Variants in MFN1 observed in about 807,000 individuals in gnomAD.
MFN1 encodes mitofusin-1.
MFN1 carries 65 observed loss-of-function variants against 92.4 expected under a neutral mutation model. The ratio of observed to expected loss-of-function variants is 0.70; its 90% CI spans 0.58 to 0.86. The LOEUF (loss-of-function observed/expected upper bound fraction) is 0.86, where lower values mean the gene tolerates loss of function less well. Ranked by LOEUF, MFN1 falls within the 40% of genes least tolerant of loss-of-function variation. The probability of loss-of-function intolerance (pLI) is 0.00; values close to 1 mark genes in which losing one functional copy is unlikely to be tolerated. For synonymous variants in MFN1, 297 were observed against 300.9 expected, an observed-to-expected ratio of 0.99 and a Z score of 0.13; for missense variants, 781 against 868.0, an observed-to-expected ratio of 0.90 and a Z score of 1.26.
chr3:179,351,232 C>T (rs1712134539), intron 2 of MFN1, among the ~76,000 whole-genome samples: 1 of 152,174 alleles, frequency 6.6e-6, no homozygotes, highest in East Asian at 1.9e-4. Flanking sequence ...TTTCAACTAC[C>T]TCCAGCCATG....
At chr3:179,359,427 T>TC (rs1288016553) in intron 4 of MFN1, among the ~76,000 whole-genome samples, 2 of 145,162 alleles carry the variant, frequency 1.4e-5, no homozygotes, top group East Asian at 4.2e-4. Context: ...GCCTTTTTTT[T>TC]TTTTTTTTTT....
chr3:179,388,254 G>A (rs1459733236), intron 16 of MFN1, among the ~76,000 whole-genome samples: 1 of 152,184 alleles, frequency 6.6e-6, no homozygotes, highest in East Asian at 1.9e-4. Context: ...AGCAGTCTAA[G>A]AAAGCTGAAT....
In MFN1 at chr3:179,394,532, C is replaced by T. The variant is rs1459704022; in HGVS notation, c.*2473C>T. On this transcript the variant is annotated 3_prime_UTR_variant, in exon 18 of 18. Coordinates refer to ENST00000471841, the MANE Select transcript of MFN1 (RefSeq NM_033540.3). ...CCGGGTTCACGCCATTCTCCTGCCT[C>T]AGCCTCCCGAGTAGCTGGGACTACA... is the stretch of plus-strand genomic sequence containing the variant. 2 of 149,948 alleles carry T rather than the reference C, an allele frequency of 1.3e-5. No homozygotes were observed. Among genetic ancestry groups the T allele is most frequent in the African/African-American group, 4.9e-5 (2 of 40,694 alleles). 9.3% of individuals were successfully genotyped at this position (149,948 alleles called of 1,614,324 possible). A position where few individuals can be genotyped will look rare whatever the true frequency, so the allele number is the denominator to read the frequency against.
At chr3:179,387,693 A>C (rs367920826) in intron 16 of MFN1, among the ~76,000 whole-genome samples, 22 of 142,794 alleles carry the variant, frequency 1.5e-4, no homozygotes, top group African/African-American at 5.4e-4. Flanking sequence ...TTCCTCATTC[A>C]AGTGAGTAGC....
chr3:179,374,991 CTG>C (rs1359027449), intron 9 of MFN1, among the ~76,000 whole-genome samples: 1 of 152,130 alleles, frequency 6.6e-6, no homozygotes, highest in African/African-American at 2.4e-5. Flanking sequence ...TTGCACATTA[CTG>C]TGTAAAAATA....
chr3:179,386,609 C>T lies in MFN1; in HGVS notation c.1992C>T (p.Asn664=), dbSNP rs760566972. 1 of 1,609,844 alleles carries T rather than the reference C, an allele frequency of 6.2e-7. No individual in the cohort carries two copies. Among genetic ancestry groups the T allele is most frequent in the South Asian group, 1.1e-5 (1 of 90,472 alleles). The change falls in exon 16 of 18, where the codon AAC becomes AAT. Residue 664 remains asparagine (N), a synonymous_variant. Coordinates refer to ENST00000471841, the MANE Select transcript of MFN1 (RefSeq NM_033540.3). ...LRMIVSSTSA[N]CSHQVKQQIA... ...TGATTGTTAGCTCCACGAGTGCAAA[C>T]TGCAGTCACCAAGTAAAACAGTAAG...
chr3:179,354,530 G>C (rs1425544009), intron 3 of MFN1, among the ~76,000 whole-genome samples: 1 of 152,090 alleles, frequency 6.6e-6, no homozygotes, highest in Non-Finnish European at 1.5e-5. Context: ...ACCAGAAAGG[G>C]GCCCCACTCC....
chr3:179,386,101 GTTTC>G (rs1713675763), intron 15 of MFN1, among the ~76,000 whole-genome samples: 1 of 152,078 alleles, frequency 6.6e-6, no homozygotes, highest in South Asian at 2.1e-4. Context: ...GTTCTTATTT[GTTTC>G]TTTAAAAAAT....
intron 14 of MFN1, among the ~76,000 whole-genome samples, chr3:179,384,477 T>A (rs554862074): frequency 0.026 from 3,897 of 152,312 alleles, 185 homozygotes; most frequent in African/African-American, 0.089. Context: ...TCAAAGCTTT[T>A]ACCTATTTTT....
At chr3:179,367,627 A>G in intron 8 of MFN1, 35 bp downstream of exon 8, 2 of 1,530,338 alleles carry the variant, frequency 1.3e-6, no homozygotes, top group African/African-American at 2.9e-5. Context: ...GTTTAAATAT[A>G]AAAATATTTA....
chr3:179,376,781 C>T (rs1183776897), intron 10 of MFN1: 1 of 262,268 alleles, frequency 3.8e-6, no homozygotes, highest in Non-Finnish European at 7.2e-6. Context: ...TTTGCCTGTT[C>T]ATATCTATGA....
chr3:179,360,345 G>C (rs558308939), intron 4 of MFN1, among the ~76,000 whole-genome samples: 1 of 152,084 alleles, frequency 6.6e-6, no homozygotes, highest in African/African-American at 2.4e-5. Flanking sequence ...CCTGGCCTCC[G>C]ATTTGTCTTT....
intron 8 of MFN1, 136 bp downstream of exon 8, chr3:179,367,728 GC>G: frequency 1.6e-6 from 1 of 636,394 alleles, no homozygotes. Context: ...TTTGAGACCA[GC>G]CTGGCCAACA....
rs1376269603 is a variant in MFN1 at position 179,377,340 on chromosome 3, T to C, written c.1225-4T>C. The C allele has an allele frequency of 1.3e-6, 2 of 1,584,352 alleles. No homozygotes were observed. On this transcript the variant is annotated splice_region_variant and splice_polypyrimidine_tract_variant and intron_variant, in intron 11 of 17. Transcript: ENST00000471841. Reference sequence around the variant, plus strand: ...TTTTAACTCCAAAATTTTCATATTTTCAGGTTTCATGTGCAATGACAGATG... The same window carrying C: ...TTTTAACTCCAAAATTTTCATATTTCCAGGTTTCATGTGCAATGACAGATG...
chr3:179,362,293 G>C, intron 4 of MFN1, 65 bp from the exon 5 acceptor site: 1 of 1,449,674 alleles, frequency 6.9e-7, no homozygotes, highest in Non-Finnish European at 9.2e-7. Context: ...GTACCACAAT[G>C]TTTTTAATTT....
intron 5 of MFN1, among the ~76,000 whole-genome samples, chr3:179,363,372 T>A (rs1712657926): frequency 6.6e-6 from 1 of 152,180 alleles, no homozygotes; most frequent in African/African-American, 2.4e-5. Flanking sequence ...AGGTGTGAGC[T>A]GCCGTACCTG....
intron 2 of MFN1, among the ~76,000 whole-genome samples, chr3:179,351,413 A>T (rs1305737280): frequency 6.6e-6 from 1 of 152,180 alleles, no homozygotes; most frequent in Non-Finnish European, 1.5e-5. Context: ...GTTTCACCTC[A>T]TCCCTGGGGG....
intron 14 of MFN1, among the ~76,000 whole-genome samples, chr3:179,380,673 A>C (rs751999934): frequency 4.1e-4 from 63 of 152,246 alleles, no homozygotes; most frequent in Non-Finnish European, 8.5e-4. Flanking sequence ...TTCTACGATC[A>C]ATGAAGAGTA....
intron 4 of MFN1, among the ~76,000 whole-genome samples, chr3:179,360,829 G>GA (rs1712545872): frequency 6.6e-6 from 1 of 152,138 alleles, no homozygotes; most frequent in East Asian, 1.9e-4. Context: ...TTAGTTATTA[G>GA]AAAAATGAGA....
Sources: gnomAD v4.1 joint callset for allele counts (sites outside exome capture counted in the v4.1 genomes callset) on GRCh38, gnomAD v4.1.1 for gene constraint, MANE v1.5 for transcripts, NCBI Gene and HGNC (gene_info 2026-07-23, HGNC 2026-07-21) for gene names.